Variants in PTPRC observed in about 807,000 individuals in gnomAD.
PTPRC encodes receptor-type tyrosine-protein phosphatase C.
In PTPRC, 44 loss-of-function variants were observed where a neutral mutation model predicts 155.9. That is an observed-to-expected ratio of 0.28 (90% CI 0.22 to 0.36). The LOEUF is 0.36. PTPRC is among the 10% of genes least tolerant of loss of function. The probability of loss-of-function intolerance (pLI) is 1.00; values close to 1 mark genes in which losing one functional copy is unlikely to be tolerated. For synonymous variants in PTPRC, 525 were observed against 533.1 expected, an observed-to-expected ratio of 0.98 and a Z score of 0.21; for missense variants, 1,401 against 1,564.6, an observed-to-expected ratio of 0.90 and a Z score of 1.76.
chr1:198,677,570 C>T (rs1405079575), intron 2 of PTPRC, among the ~76,000 whole-genome samples: 1 of 151,882 alleles, frequency 6.6e-6, no homozygotes, highest in Non-Finnish European at 1.5e-5. Context: ...CCATGATTAC[C>T]CTAAGAATAG....
chr1:198,714,211 T>C (rs1254111114), intron 12 of PTPRC, among the ~76,000 whole-genome samples: 1 of 152,174 alleles, frequency 6.6e-6, no homozygotes, highest in African/African-American at 2.4e-5. Flanking sequence ...TTCTCTTCTC[T>C]GAATCTTCTA....
chr1:198,722,500 TTA>T, intron 15 of PTPRC, 24 bp downstream of exon 15: 2 of 1,294,588 alleles, frequency 1.5e-6, no homozygotes, highest in Middle Eastern at 2.6e-4. Context: ...GGGCTATTTA[TTA>T]TATATATTAA....
chr1:198,744,315 A>G, intron 26 of PTPRC, 112 bp downstream of exon 26: 36 of 1,100,710 alleles, frequency 3.3e-5, no homozygotes, highest in Non-Finnish European at 4.8e-5. Flanking sequence ...AGTCTTCACC[A>G]GAACCAAAGG....
chr1:198,717,304 T>C (rs1653640606), intron 13 of PTPRC, among the ~76,000 whole-genome samples: 1 of 152,234 alleles, frequency 6.6e-6, no homozygotes, highest in Non-Finnish European at 1.5e-5. Context: ...AACTACTTAC[T>C]ATTCTATTTT....
chr1:198,657,020 T>A (rs946846825), intron 2 of PTPRC, among the ~76,000 whole-genome samples: 1 of 107,150 alleles, frequency 9.3e-6, no homozygotes. Context: ...AATCAAGAGG[T>A]TTTTTTTTTA....
rs535873716 is a variant in PTPRC, at chr1:198,706,308, A to G, written c.686-426A>G. On this transcript the variant is annotated intron_variant, in intron 8 of 32. Coordinates refer to ENST00000442510, the MANE Select transcript of PTPRC (RefSeq NM_002838.5). ...TATATCAAGAAACAGGTGGTTAATA[A>G]CTACGTTTTAGAAAACAAGAAAATT... 5.3e-4 allele frequency among the ~76,000 whole-genome samples: 81 copies of G among 152,372 alleles called. 1 individual carries two copies. The highest frequency in any genetic ancestry group is 2.7e-3 in the South Asian group (13 of 4,830).
rs138768804 is a variant in PTPRC, at chr1:198,707,534, T to C, written c.904+582T>C. Among the ~76,000 whole-genome samples the C allele has an allele frequency of 4.0e-3, 609 of 152,328 alleles. 15 individuals carry two copies. Among genetic ancestry groups the C allele is most frequent in the Admixed American group, 0.033 (508 of 15,292 alleles). On this transcript the variant is annotated intron_variant, in intron 9 of 32. Transcript: ENST00000442510. ...CTGGAAAAGGGATTCCAGAGCCGTGTAATTTTTTTAAAAAGTCATATCATT... is the reference window on the plus strand; with the variant it reads ...CTGGAAAAGGGATTCCAGAGCCGTGCAATTTTTTTAAAAAGTCATATCATT...
At chr1:198,667,461 T>A (rs773491489) in intron 2 of PTPRC, among the ~76,000 whole-genome samples, 179 of 152,260 alleles carry the variant, frequency 1.2e-3, no homozygotes, top group Non-Finnish European at 2.1e-3. Flanking sequence ...TGAAAAAAAA[T>A]AATTTTCCTC....
chr1:198,735,626 A>G (rs1654601750), intron 23 of PTPRC, among the ~76,000 whole-genome samples: 1 of 151,694 alleles, frequency 6.6e-6, no homozygotes, highest in South Asian at 2.1e-4. Context: ...TTTCCATAAG[A>G]GAAATGACAG....
intron 2 of PTPRC, among the ~76,000 whole-genome samples, chr1:198,688,532 G>A (rs1371955117): frequency 1.3e-5 from 2 of 152,132 alleles, no homozygotes; most frequent in South Asian, 4.1e-4. Flanking sequence ...TGACTTTCCT[G>A]TCAAAATAGT....
chr1:198,700,189 G>T (rs532629957), intron 5 of PTPRC: 3 of 172,516 alleles, frequency 1.7e-5, no homozygotes, highest in Non-Finnish European at 3.8e-5. Flanking sequence ...CAAACATTAA[G>T]AATCTTTCAG....
intron 6 of PTPRC, 72 bp downstream of exon 6, chr1:198,702,602 C>T: frequency 6.4e-7 from 1 of 1,569,830 alleles, no homozygotes; most frequent in Non-Finnish European, 8.8e-7. Flanking sequence ...TTTAATGTAG[C>T]TCTTTTATTT....
intron 22 of PTPRC, 87 bp downstream of exon 22, chr1:198,734,512 C>A: frequency 9.3e-7 from 1 of 1,079,128 alleles, no homozygotes. Context: ...CATGTATCTG[C>A]CTGATGACTA....
At chr1:198,686,064 C>G (rs1173948584) in intron 2 of PTPRC, among the ~76,000 whole-genome samples, 3 of 151,782 alleles carry the variant, frequency 2.0e-5, no homozygotes, top group African/African-American at 7.3e-5. Context: ...AATCTCTGAT[C>G]AGGGACTTAG....
chr1:198,741,717 A>AAAT, intron 23 of PTPRC, 152 bp from the exon 24 acceptor site: 1 of 776,818 alleles, frequency 1.3e-6, no homozygotes, highest in South Asian at 1.8e-5. Context: ...ATGGTTGAGA[A>AAAT]AATATATAAG....
At position 198,714,387 on chromosome 1, in the gene PTPRC, G is replaced by T. The variant is rs1420367256; in HGVS notation, c.1291+1315G>T. 3.3e-5 allele frequency among the ~76,000 whole-genome samples: 5 copies of T among 152,088 alleles called. No homozygotes were observed. The South Asian group carries it at 1.0e-3, about 32-fold the overall frequency. On this transcript the variant is annotated intron_variant, in intron 12 of 32. Transcript: ENST00000442510. ...GTATTTGCATAATTAGGGTAAAAAG[G>T]ATGTAATGAGTTAGTAGCAACTCAT...
At chr1:198,747,999 C>T in intron 26 of PTPRC, 110 bp from the exon 27 acceptor site, 2 of 1,473,768 alleles carry the variant, frequency 1.4e-6, no homozygotes, top group South Asian at 2.7e-5. Flanking sequence ...GGAGCATATG[C>T]AAATTTCACA....
rs1655659728 is a variant in PTPRC, at chr1:198,756,316, T to G, written c.*135T>G. The G allele has an allele frequency of 8.7e-7, 1 of 1,150,292 alleles. No individual in the cohort carries two copies. Among genetic ancestry groups the G allele is most frequent in the East Asian group, 2.6e-5 (1 of 39,042 alleles). 71.3% of individuals were successfully genotyped at this position (1,150,292 alleles called of 1,614,324 possible). On this transcript the variant is annotated 3_prime_UTR_variant, in exon 33 of 33. Transcript: ENST00000442510. ...CCAATATTTGTAGAAGGGTTATATT[T>G]TACTACTGTGGAAAAATATTTAAGA...
At chr1:198,672,036 T>C (rs1042458399) in intron 2 of PTPRC, among the ~76,000 whole-genome samples, 2 of 152,236 alleles carry the variant, frequency 1.3e-5, no homozygotes, top group African/African-American at 2.4e-5. Flanking sequence ...CCTTTCCATA[T>C]GACTTAAAAT....
Sources: gnomAD v4.1 joint callset for allele counts (sites outside exome capture counted in the v4.1 genomes callset) on GRCh38, gnomAD v4.1.1 for gene constraint, MANE v1.5 for transcripts, NCBI Gene and HGNC (gene_info 2026-07-23, HGNC 2026-07-21) for gene names.